The following RRP15 variants were observed in gnomAD, a reference collection of about 807,000 sequenced individuals.
The protein encoded by RRP15 is ribosomal RNA processing 15 homolog, also known as RRP15-like protein.
RRP15 carries 18 observed loss-of-function variants against 27.1 expected under a neutral mutation model. The observed-to-expected ratio is 0.66, with a 90% CI of 0.46 to 0.98. The LOEUF (loss-of-function observed/expected upper bound fraction) is 0.98, where lower values mean the gene tolerates loss of function less well. Among genes scored for constraint, RRP15 ranks in the 50% least tolerant of loss-of-function variants. The pLI is 0.00. For missense variants in RRP15, 359 were observed against 337.8 expected, an observed-to-expected ratio of 1.06 and a Z score of -0.49; for synonymous variants, 107 against 109.4, an observed-to-expected ratio of 0.98 and a Z score of 0.14.
chr1:218,329,632 T>C (rs1258828127), intron 4 of RRP15, among the ~76,000 whole-genome samples: 1 of 152,240 alleles, frequency 6.6e-6, no homozygotes, highest in African/African-American at 2.4e-5. Flanking sequence ...TATTTCTGTA[T>C]GTTGGGTAAA....
chr1:218,299,921 G>A (rs1043048909), intron 1 of RRP15, among the ~76,000 whole-genome samples: 10 of 151,930 alleles, frequency 6.6e-5, no homozygotes, highest in Admixed American at 2.0e-4. Flanking sequence ...TTGTGGCCCT[G>A]GAATAAAATA....
intron 4 of RRP15, among the ~76,000 whole-genome samples, chr1:218,320,807 C>A (rs1000749644): frequency 1.3e-4 from 19 of 151,698 alleles, no homozygotes; most frequent in African/African-American, 4.6e-4. Flanking sequence ...ATGTTTTTAA[C>A]TACAATTGCA....
At position 218,331,402 on chromosome 1, in the gene RRP15, A is replaced by G. The variant is rs112944244; in HGVS notation, c.*311A>G. 1.4e-3 allele frequency: 266 copies of G among 183,874 alleles called. No individual in the cohort carries two copies. The highest frequency in any genetic ancestry group is 5.2e-3 in the African/African-American group (223 of 42,528). The allele number at this position is 183,874 out of a possible 1,614,324, so 11.4% of individuals were successfully genotyped here. A position where few individuals can be genotyped will look rare whatever the true frequency, so the allele number is the denominator to read the frequency against. On this transcript the variant is annotated 3_prime_UTR_variant, in exon 5 of 5. Transcript: ENST00000366932. The stretch of plus-strand genomic sequence containing the variant: ...TTGGTGTATTATTTCAGTATCACCA[A>G]TGTTTTCAGAAATACAGTACTAATT...
intron 1 of RRP15, among the ~76,000 whole-genome samples, chr1:218,299,016 T>C (rs1459467157): frequency 6.6e-6 from 1 of 152,226 alleles, no homozygotes; most frequent in Non-Finnish European, 1.5e-5. Flanking sequence ...TATATCTGCT[T>C]CTGCTGTTAT....
intron 4 of RRP15, among the ~76,000 whole-genome samples, chr1:218,313,357 G>A (rs990193393): frequency 3.3e-5 from 5 of 152,118 alleles, no homozygotes; most frequent in African/African-American, 7.2e-5. Context: ...CAATTTTAAG[G>A]TATAGATTGA....
intron 1 of RRP15, among the ~76,000 whole-genome samples, chr1:218,296,444 A>G (rs1655720370): frequency 6.6e-6 from 1 of 152,132 alleles, no homozygotes; most frequent in Non-Finnish European, 1.5e-5. Context: ...ATTTGAGCCC[A>G]GGAGTTCAAG....
intron 3 of RRP15, among the ~76,000 whole-genome samples, chr1:218,306,893 C>T (rs1655908243): frequency 6.6e-6 from 1 of 152,168 alleles, no homozygotes. Context: ...TCATTTACAG[C>T]ACATGGCAAT....
intron 4 of RRP15, among the ~76,000 whole-genome samples, chr1:218,325,439 A>T (rs1246571823): frequency 1.3e-5 from 2 of 152,214 alleles, no homozygotes; most frequent in Non-Finnish European, 2.9e-5. Flanking sequence ...GTATGTCTGA[A>T]AATACCTCTG....
chr1:218,291,051 G>A (rs1001616341), intron 1 of RRP15, among the ~76,000 whole-genome samples: 6 of 152,014 alleles, frequency 3.9e-5, no homozygotes, highest in South Asian at 2.1e-4. Context: ...AGGTGGGAGG[G>A]TTGCTTGAGC....
At chr1:218,307,402 C>A in intron 3 of RRP15, 29 bp from the exon 4 acceptor site, 1 of 1,572,132 alleles carries the variant, frequency 6.4e-7, no homozygotes. Flanking sequence ...TTATTTAATA[C>A]ATCATTCTGG....
Position 218,331,159 on chromosome 1 carries a change from T to C in RRP15, c.*68T>C. 6.9e-7 allele frequency: 1 copy of C among 1,454,116 alleles called. No individual in the cohort carries two copies. The highest frequency in any genetic ancestry group is 9.3e-7 in the Non-Finnish European group (1 of 1,073,712). 90.1% of individuals were successfully genotyped at this position (1,454,116 alleles called of 1,614,324 possible). On this transcript the variant is annotated 3_prime_UTR_variant, in exon 5 of 5. Coordinates refer to ENST00000366932, the MANE Select transcript of RRP15 (RefSeq NM_016052.4). ...GAAAAATATGTCATCCTCTGATAGTTGGGGAATTATAAGGATACCATTTGT... is the reference window on the plus strand; with the variant it reads ...GAAAAATATGTCATCCTCTGATAGTCGGGGAATTATAAGGATACCATTTGT...
chr1:218,316,869 A>C (rs1195930554), intron 4 of RRP15, among the ~76,000 whole-genome samples: 2 of 152,244 alleles, frequency 1.3e-5, no homozygotes, highest in Non-Finnish European at 2.9e-5. Flanking sequence ...ATTATTGAAT[A>C]ATCCAAAAAC....
intron 1 of RRP15, among the ~76,000 whole-genome samples, chr1:218,287,515 A>G (rs1034042243): frequency 2.0e-5 from 3 of 152,188 alleles, no homozygotes; most frequent in Non-Finnish European, 4.4e-5. Context: ...TGTTGAGGAT[A>G]CAAAGGATGA....
intron 4 of RRP15, among the ~76,000 whole-genome samples, chr1:218,328,750 G>A (rs1656317563): frequency 6.6e-6 from 1 of 152,110 alleles, no homozygotes; most frequent in South Asian, 2.1e-4. Flanking sequence ...CCTAGGAGAG[G>A]AGTAGAGGAG....
chr1:218,296,058 A>G (rs1212773441), intron 1 of RRP15, among the ~76,000 whole-genome samples: 2 of 152,162 alleles, frequency 1.3e-5, no homozygotes, highest in Non-Finnish European at 2.9e-5. Flanking sequence ...AACTAGGGGG[A>G]TATGTATACT....
In RRP15 at chr1:218,335,085, A is replaced by T; in HGVS notation, c.*3994A>T. ...TGCTAAGTTAGAATGAATAATCATA[A>T]TTATATAGATGGAAGATATATTCTA... On this transcript the variant is annotated 3_prime_UTR_variant, in exon 5 of 5. Transcript: ENST00000366932. 1 of 152,340 alleles carries T rather than the reference A, an allele frequency of 6.6e-6. No individual in the cohort carries two copies. The highest frequency in any genetic ancestry group is 2.1e-4 in the South Asian group (1 of 4,830). 9.4% of individuals were successfully genotyped at this position (152,340 alleles called of 1,614,324 possible).
chr1:218,329,887 A>G (rs1010654063), intron 4 of RRP15, among the ~76,000 whole-genome samples: 2 of 152,018 alleles, frequency 1.3e-5, no homozygotes, highest in African/African-American at 4.8e-5. Flanking sequence ...AAGGGAAGCT[A>G]TAGCAGTTAG....
At chr1:218,289,603 T>C (rs1220222919) in intron 1 of RRP15, among the ~76,000 whole-genome samples, 2 of 152,258 alleles carry the variant, frequency 1.3e-5, no homozygotes, top group African/African-American at 4.8e-5. Flanking sequence ...CATCCTTTAG[T>C]CTTCCTGTTG....
At chr1:218,319,295 C>T (rs1046951055) in intron 4 of RRP15, among the ~76,000 whole-genome samples, 1 of 152,116 alleles carries the variant, frequency 6.6e-6, no homozygotes, top group African/African-American at 2.4e-5. Flanking sequence ...AAACTCCTGA[C>T]CTCAGGTGAT....
Sources: gnomAD v4.1 joint callset for allele counts (sites outside exome capture counted in the v4.1 genomes callset) on GRCh38, gnomAD v4.1.1 for gene constraint, MANE v1.5 for transcripts, NCBI Gene and HGNC (gene_info 2026-07-23, HGNC 2026-07-21) for gene names.